The following ARHGAP10 variants were observed in gnomAD, a reference collection of about 807,000 sequenced individuals.
ARHGAP10 encodes the protein rho GTPase-activating protein 10.
ARHGAP10 carries 87 observed loss-of-function variants against 108.6 expected under a neutral mutation model. The observed-to-expected ratio is 0.80, with a 90% CI of 0.67 to 0.96. The LOEUF is 0.96. ARHGAP10 is among the 40% of genes least tolerant of loss of function. ARHGAP10 has a pLI of 0.00. For synonymous variants in ARHGAP10, 347 were observed against 341.1 expected, an observed-to-expected ratio of 1.02 and a Z score of -0.19; for missense variants, 939 against 954.5, an observed-to-expected ratio of 0.98 and a Z score of 0.21.
chr4:148,057,772 G>A (rs1373959100), intron 20 of ARHGAP10, among the ~76,000 whole-genome samples: 1 of 152,230 alleles, frequency 6.6e-6, no homozygotes, highest in Admixed American at 6.5e-5. Context: ...CCTGTATTAT[G>A]GTTATTAATT....
chr4:148,054,453 T>G (rs1310915439), intron 20 of ARHGAP10, among the ~76,000 whole-genome samples: 2 of 152,260 alleles, frequency 1.3e-5, no homozygotes, highest in African/African-American at 4.8e-5. Context: ...GGCAGCCACC[T>G]GCTGGGATTT....
chr4:147,938,371 A>G (rs1738034826), intron 13 of ARHGAP10, among the ~76,000 whole-genome samples: 1 of 152,242 alleles, frequency 6.6e-6, no homozygotes, highest in Non-Finnish European at 1.5e-5. Flanking sequence ...TAAAAGTTAA[A>G]AAAAATAGTA....
intron 3 of ARHGAP10, among the ~76,000 whole-genome samples, chr4:147,829,964 T>A (rs1218895264): frequency 3.3e-5 from 5 of 152,148 alleles, no homozygotes; most frequent in African/African-American, 9.7e-5. Context: ...AGGTGGAGCT[T>A]GCCTGATGGT....
chr4:147,893,429 A>G (rs906118097), intron 10 of ARHGAP10, among the ~76,000 whole-genome samples: 1 of 147,840 alleles, frequency 6.8e-6, no homozygotes, highest in Non-Finnish European at 1.5e-5. Context: ...AAATATATAT[A>G]TTTCAATATA....
chr4:148,056,019 TA>T (rs1310148598), intron 20 of ARHGAP10, among the ~76,000 whole-genome samples: 1 of 152,220 alleles, frequency 6.6e-6, no homozygotes, highest in Non-Finnish European at 1.5e-5. Flanking sequence ...CCTGTCTTTA[TA>T]AAGTTTTATT....
chr4:147,784,776 A>ATATTATAAAT (rs1730782916), intron 1 of ARHGAP10, among the ~76,000 whole-genome samples: 2 of 29,198 alleles, frequency 6.8e-5, no homozygotes, highest in African/African-American at 2.0e-4. Flanking sequence ...TTATAAATAT[A>ATATTATAAAT]ATATATTATA....
At chr4:148,054,813 T>G (rs569775980) in intron 20 of ARHGAP10, among the ~76,000 whole-genome samples, 2 of 152,312 alleles carry the variant, frequency 1.3e-5, no homozygotes, top group African/African-American at 2.4e-5. Context: ...GCTCACCCAT[T>G]ACAACAAGTA....
At chr4:148,009,135 C>G (rs1188816828) in intron 18 of ARHGAP10, among the ~76,000 whole-genome samples, 1 of 150,962 alleles carries the variant, frequency 6.6e-6, no homozygotes, top group Non-Finnish European at 1.5e-5. Flanking sequence ...TCTCTTTTTT[C>G]TCTTTTTTTT....
intron 19 of ARHGAP10, among the ~76,000 whole-genome samples, chr4:148,026,930 A>G (rs1314489254): frequency 1.3e-5 from 2 of 152,148 alleles, no homozygotes; most frequent in East Asian, 3.9e-4. Context: ...TGTTAAATAT[A>G]TGTTATGTGT....
At chr4:147,948,823 C>T (rs569273886) in intron 15 of ARHGAP10, among the ~76,000 whole-genome samples, 121 of 151,688 alleles carry the variant, frequency 8.0e-4, no homozygotes, top group African/African-American at 2.8e-3. Context: ...AAAAATTAGC[C>T]GGCATGGTGG....
At chr4:147,994,370 T>C (rs573688730) in intron 18 of ARHGAP10, among the ~76,000 whole-genome samples, 1 of 152,206 alleles carries the variant, frequency 6.6e-6, no homozygotes, top group East Asian at 1.9e-4. Flanking sequence ...CACAAGAAAG[T>C]TCTTGTTAAT....
intron 3 of ARHGAP10, among the ~76,000 whole-genome samples, chr4:147,832,798 A>G (rs1172580595): frequency 6.6e-6 from 1 of 152,124 alleles, no homozygotes; most frequent in Non-Finnish European, 1.5e-5. Flanking sequence ...TGTAAGACAT[A>G]ATATTTTTCC....
At chr4:147,746,111 TTTAA>T (rs2126685535) in intron 1 of ARHGAP10, among the ~76,000 whole-genome samples, 1 of 151,162 alleles carries the variant, frequency 6.6e-6, no homozygotes, top group African/African-American at 2.4e-5. Context: ...TATTTATTTA[TTTAA>T]TTATTTTGAG....
chr4:148,015,817 GA>G (rs1442859268), intron 18 of ARHGAP10, among the ~76,000 whole-genome samples: 1 of 152,216 alleles, frequency 6.6e-6, no homozygotes, highest in Non-Finnish European at 1.5e-5. Context: ...CTTTTAGAAA[GA>G]AGATCGGACA....
At chr4:147,909,636 A>C in intron 11 of ARHGAP10, 96 bp from the exon 12 acceptor site, 2 of 1,060,472 alleles carry the variant, frequency 1.9e-6, no homozygotes, top group Non-Finnish European at 2.8e-6. Flanking sequence ...AAGCTTATAA[A>C]AATGTATTTT....
At chr4:147,980,746 T>C (rs1236028550) in intron 18 of ARHGAP10, among the ~76,000 whole-genome samples, 1 of 152,188 alleles carries the variant, frequency 6.6e-6, no homozygotes, top group Non-Finnish European at 1.5e-5. Flanking sequence ...GATTTCTCTT[T>C]CTTCTTGATT....
At chr4:147,989,118 A>T (rs1329212407) in intron 18 of ARHGAP10, among the ~76,000 whole-genome samples, 2 of 152,252 alleles carry the variant, frequency 1.3e-5, no homozygotes, top group Admixed American at 6.5e-5. Context: ...GAGACATCAC[A>T]CATTGGTAGG....
chr4:148,050,519 G>A (rs892928099), intron 20 of ARHGAP10, among the ~76,000 whole-genome samples: 5 of 151,594 alleles, frequency 3.3e-5, no homozygotes, highest in Non-Finnish European at 7.4e-5. Context: ...TTCTACAGGC[G>A]CCCACCACCA....
chr4:148,003,407 G>T (rs867136232), intron 18 of ARHGAP10, among the ~76,000 whole-genome samples: 1 of 152,326 alleles, frequency 6.6e-6, no homozygotes, highest in Non-Finnish European at 1.5e-5. Context: ...TTGGGTTGGA[G>T]AGTTCTGTGG....
Sources: allele counts gnomAD v4.1 joint callset (sites outside exome capture counted in the v4.1 genomes callset), GRCh38; gene constraint gnomAD v4.1.1; transcripts MANE v1.5; gene names NCBI Gene and HGNC (gene_info 2026-07-23, HGNC 2026-07-21).